SLC2A13: variants seen among roughly 807,000 people sequenced by gnomAD.
SLC2A13 encodes solute carrier family 2 member 13, also known as proton myo-inositol cotransporter.
Under a neutral mutation model 64.4 loss-of-function variants are expected in SLC2A13, and 32 were observed. The ratio of observed to expected loss-of-function variants is 0.50; its 90% CI spans 0.37 to 0.67. The LOEUF (loss-of-function observed/expected upper bound fraction) is 0.67, where lower values mean the gene tolerates loss of function less well. Ranked by LOEUF, SLC2A13 falls within the 30% of genes least tolerant of loss-of-function variation. SLC2A13 has a pLI of 0.00. For missense variants in SLC2A13, 743 were observed against 829.2 expected (o/e 0.90, Z 1.28); for synonymous variants, 338 against 327.1 (o/e 1.03, Z -0.36).
intron 7 of SLC2A13, among the ~76,000 whole-genome samples, chr12:39,823,371 T>C (rs917975363): frequency 1.3e-5 from 2 of 152,180 alleles, no homozygotes; most frequent in East Asian, 3.9e-4. Context: ...TACCTTAAGA[T>C]ACTGATGTGG....
intron 7 of SLC2A13, among the ~76,000 whole-genome samples, chr12:39,799,375 G>C (rs919002788): frequency 6.7e-6 from 1 of 149,932 alleles, no homozygotes; most frequent in South Asian, 2.1e-4. Context: ...CTTCCAAAGT[G>C]CTGGAATTAC....
chr12:39,999,157 T>C (rs1349544153), intron 3 of SLC2A13, among the ~76,000 whole-genome samples: 1 of 152,208 alleles, frequency 6.6e-6, no homozygotes, highest in East Asian at 1.9e-4. Context: ...TCAGGGCCAC[T>C]ATGATAATTG....
intron 7 of SLC2A13, among the ~76,000 whole-genome samples, chr12:39,802,894 C>A (rs1348924881): frequency 6.6e-6 from 1 of 151,950 alleles, no homozygotes; most frequent in African/African-American, 2.4e-5. Flanking sequence ...GAATTAACAT[C>A]AAAATAAAAT....
intron 1 of SLC2A13, among the ~76,000 whole-genome samples, chr12:40,084,511 C>G (rs1053379117): frequency 6.6e-6 from 1 of 152,204 alleles, no homozygotes; most frequent in African/African-American, 2.4e-5. Flanking sequence ...AAAATTCAAC[C>G]TAAGTCAGGT....
intron 4 of SLC2A13, among the ~76,000 whole-genome samples, chr12:39,927,812 G>C (rs1404667117): frequency 6.6e-6 from 1 of 152,106 alleles, no homozygotes; most frequent in Non-Finnish European, 1.5e-5. Flanking sequence ...TACTACGCCA[G>C]AGATACACAA....
At chr12:39,778,975 G>C (rs891833830) in intron 7 of SLC2A13, among the ~76,000 whole-genome samples, 2 of 152,024 alleles carry the variant, frequency 1.3e-5, no homozygotes, top group Non-Finnish European at 2.9e-5. Flanking sequence ...CTAATTGCAG[G>C]GAAAAGAACT....
chr12:39,848,171 G>C lies in SLC2A13; in HGVS notation c.1319+16591C>G, dbSNP rs138074746. On this transcript the variant is annotated intron_variant, in intron 6 of 9. Transcript: ENST00000280871. ...ACCAATTGCAACAAAAACAAAAATT[G>C]ACAAGTGGGATCTAATTAAACCTAA... Among the ~76,000 whole-genome samples, 19 of 152,220 alleles carry C rather than the reference G, an allele frequency of 1.2e-4. 1 individual carries two copies. Among genetic ancestry groups the C allele is most frequent in the Admixed American group, 8.5e-4 (13 of 15,270 alleles).
chr12:39,955,260 C>A (rs1946296427), intron 3 of SLC2A13, among the ~76,000 whole-genome samples: 1 of 152,092 alleles, frequency 6.6e-6, no homozygotes, highest in Non-Finnish European at 1.5e-5. Context: ...TAACACATTT[C>A]TATGAAAATT....
intron 7 of SLC2A13, among the ~76,000 whole-genome samples, chr12:39,798,079 C>T (rs1246791452): frequency 6.6e-6 from 1 of 152,160 alleles, no homozygotes; most frequent in Non-Finnish European, 1.5e-5. Context: ...GGATCATTCA[C>T]TTTGGAGGAA....
At chr12:39,931,632 G>A (rs949253540) in intron 4 of SLC2A13, among the ~76,000 whole-genome samples, 8 of 152,184 alleles carry the variant, frequency 5.3e-5, no homozygotes, top group African/African-American at 1.2e-4. Flanking sequence ...TAAGGCAAAA[G>A]AGGATTTTGT....
chr12:39,803,962 C>G (rs1015805190), intron 7 of SLC2A13, among the ~76,000 whole-genome samples: 2 of 151,466 alleles, frequency 1.3e-5, no homozygotes, highest in South Asian at 2.1e-4. Context: ...ATTAAAAAAA[C>G]AACAGGGCTC....
intron 3 of SLC2A13, among the ~76,000 whole-genome samples, chr12:40,010,845 C>T (rs1947518738): frequency 6.6e-6 from 1 of 152,088 alleles, no homozygotes; most frequent in South Asian, 2.1e-4. Context: ...CCCAACAGAC[C>T]GCATCACAAG....
At chr12:39,969,196 T>C (rs1242248632) in intron 3 of SLC2A13, among the ~76,000 whole-genome samples, 1 of 152,198 alleles carries the variant, frequency 6.6e-6, no homozygotes, top group Non-Finnish European at 1.5e-5. Context: ...ATCCAGTCTA[T>C]CATTGATGGA....
At chr12:40,052,664 G>A (rs974173977) in intron 1 of SLC2A13, among the ~76,000 whole-genome samples, 1 of 152,104 alleles carries the variant, frequency 6.6e-6, no homozygotes, top group Non-Finnish European at 1.5e-5. Flanking sequence ...CCTTACTATT[G>A]CTTTTAGTTG....
chr12:40,075,629 G>A (rs1216688197), intron 1 of SLC2A13, among the ~76,000 whole-genome samples: 3 of 152,076 alleles, frequency 2.0e-5, no homozygotes, highest in Admixed American at 6.6e-5. Context: ...GAATCTGTAA[G>A]TTTATGTCTT....
intron 7 of SLC2A13, among the ~76,000 whole-genome samples, chr12:39,796,992 C>T (rs758601278): frequency 1.5e-4 from 23 of 152,036 alleles, no homozygotes; most frequent in Non-Finnish European, 2.5e-4. Context: ...GTTTTATGTT[C>T]GACATCAGTG....
At chr12:39,771,730 G>A (rs965517369) in intron 7 of SLC2A13, among the ~76,000 whole-genome samples, 4 of 151,908 alleles carry the variant, frequency 2.6e-5, no homozygotes, top group East Asian at 3.9e-4. Context: ...AAACTCATAT[G>A]CCACCAAGTT....
intron 7 of SLC2A13, chr12:39,819,921 T>G (rs1159163013): frequency 6.6e-6 from 1 of 152,534 alleles, no homozygotes; most frequent in Non-Finnish European, 1.5e-5. Context: ...AATGTCAAAT[T>G]TCAATCCTAT....
At chr12:39,897,136 C>T (rs1321511403) in intron 4 of SLC2A13, among the ~76,000 whole-genome samples, 1 of 152,122 alleles carries the variant, frequency 6.6e-6, no homozygotes, top group Non-Finnish European at 1.5e-5. Flanking sequence ...TAAGAAACTT[C>T]TAGAATAAGA....
Sources: gnomAD v4.1 joint callset for allele counts (sites outside exome capture counted in the v4.1 genomes callset) on GRCh38, gnomAD v4.1.1 for gene constraint, MANE v1.5 for transcripts, NCBI Gene and HGNC (gene_info 2026-07-23, HGNC 2026-07-21) for gene names.